Variants in CATSPERT observed in about 807,000 individuals in gnomAD.
The protein encoded by CATSPERT is cation channel sperm-associated targeting subunit tau.
chr2:201,585,066 T>C, the CATSPERT span, among the ~76,000 whole-genome samples: 1 of 151,982 alleles, frequency 6.6e-6, no homozygotes, highest in Non-Finnish European at 1.5e-5. Flanking sequence ...AAATTTACAA[T>C]TCTATACTCA....
the CATSPERT span, among the ~76,000 whole-genome samples, chr2:201,524,478 A>ACAAGAAGGCAGCAAGG: frequency 1.3e-5 from 2 of 152,326 alleles, no homozygotes; most frequent in South Asian, 4.1e-4. Context: ...AGGAAGTGCT[A>ACAAGAAGGCAGCAAGG]AATATGGGGG....
the CATSPERT span, among the ~76,000 whole-genome samples, chr2:201,618,435 T>C: frequency 2.6e-5 from 4 of 151,616 alleles, no homozygotes; most frequent in African/African-American, 4.9e-5. Flanking sequence ...CTGGAAACCA[T>C]CATTCTCAGC....
chr2:201,528,798 T>C, the CATSPERT span, among the ~76,000 whole-genome samples: 2 of 152,110 alleles, frequency 1.3e-5, no homozygotes, highest in African/African-American at 2.4e-5. Context: ...AAAAACTACC[T>C]ATTGGATACA....
At chr2:201,534,040 T>TTATCTATCTATC in the CATSPERT span, among the ~76,000 whole-genome samples, 73 of 148,666 alleles carry the variant, frequency 4.9e-4, no homozygotes, top group East Asian at 1.6e-3. Context: ...GATCTGTATA[T>TTATCTATCTATC]TATCTATCTA....
At chr2:201,608,145 T>C in the CATSPERT span, among the ~76,000 whole-genome samples, 1 of 152,174 alleles carries the variant, frequency 6.6e-6, no homozygotes, top group African/African-American at 2.4e-5. Context: ...GCCTCCAGCA[T>C]AATTTTTTTG....
At chr2:201,577,261 A>T in the CATSPERT span, among the ~76,000 whole-genome samples, 1 of 150,184 alleles carries the variant, frequency 6.7e-6, no homozygotes, top group Non-Finnish European at 1.5e-5. Flanking sequence ...AAAAAAAATT[A>T]GAAGTCCAAA....
the CATSPERT span, among the ~76,000 whole-genome samples, chr2:201,551,953 C>T: frequency 6.8e-6 from 1 of 147,344 alleles, no homozygotes; most frequent in East Asian, 2.0e-4. Flanking sequence ...GTGTATTTTT[C>T]TTTCTTGTTT....
chr2:201,607,765 A>G, the CATSPERT span, among the ~76,000 whole-genome samples: 1 of 152,226 alleles, frequency 6.6e-6, no homozygotes, highest in Admixed American at 6.5e-5. Flanking sequence ...AAAAATGCAT[A>G]CGTTGCAATC....
chr2:201,575,381 T>C, the CATSPERT span: 5 of 1,443,142 alleles, frequency 3.5e-6, no homozygotes, highest in South Asian at 2.9e-5. Context: ...TTTCCCTGTA[T>C]ATTATCGAAA....
the CATSPERT span, among the ~76,000 whole-genome samples, chr2:201,541,531 T>TATA: frequency 1.1e-5 from 1 of 92,768 alleles, no homozygotes; most frequent in African/African-American, 4.5e-5. Context: ...TCAGATGATT[T>TATA]TATATATATA....
the CATSPERT span, among the ~76,000 whole-genome samples, chr2:201,567,642 A>ATT: frequency 1.6e-4 from 25 of 152,330 alleles, no homozygotes; most frequent in East Asian, 4.4e-3. Flanking sequence ...GTCCCAGTTC[A>ATT]AAGATAGGCG....
At chr2:201,504,126 T>C in the CATSPERT span, among the ~76,000 whole-genome samples, 1 of 152,228 alleles carries the variant, frequency 6.6e-6, no homozygotes, top group Non-Finnish European at 1.5e-5. Context: ...TTTACAGTTA[T>C]CTGGAGCTTT....
At chr2:201,606,547 C>G in the CATSPERT span, among the ~76,000 whole-genome samples, 1 of 152,072 alleles carries the variant, frequency 6.6e-6, no homozygotes, top group Non-Finnish European at 1.5e-5. Flanking sequence ...TCCCAAGAAA[C>G]CTACTAAAAG....
chr2:201,536,341 A>G, the CATSPERT span: 1 of 1,563,664 alleles, frequency 6.4e-7, no homozygotes. Context: ...CAGCAATAAA[A>G]CAAACTACCA....
At chr2:201,545,527 C>A in the CATSPERT span, 6 of 1,339,884 alleles carry the variant, frequency 4.5e-6, no homozygotes, top group East Asian at 9.3e-5. Context: ...ATAAAAAAAT[C>A]AAAGTAGTTT....
At chr2:201,537,901 T>A in the CATSPERT span, among the ~76,000 whole-genome samples, 1 of 151,998 alleles carries the variant, frequency 6.6e-6, no homozygotes, top group Non-Finnish European at 1.5e-5. Context: ...ATATTTAGCA[T>A]GTAAAAAGGG....
chr2:201,554,220 C>G, the CATSPERT span: 1 of 152,260 alleles, frequency 6.6e-6, no homozygotes, highest in South Asian at 2.1e-4. Flanking sequence ...TATCACTATT[C>G]TAGGAAGCCC....
chr2:201,585,464 T>G, the CATSPERT span, among the ~76,000 whole-genome samples: 6 of 147,544 alleles, frequency 4.1e-5, no homozygotes, highest in Non-Finnish European at 8.9e-5. Flanking sequence ...CTAACTCTCA[T>G]AGGAAAAATA....
the CATSPERT span, chr2:201,534,648 A>C: frequency 2.0e-6 from 2 of 985,014 alleles, no homozygotes; most frequent in Non-Finnish European, 2.4e-6. Context: ...TTAAAAGACC[A>C]TTAATACTCA....
Sources: gnomAD v4.1 joint callset for allele counts (sites outside exome capture counted in the v4.1 genomes callset) on GRCh38, gnomAD v4.1.1 for gene constraint, MANE v1.5 for transcripts, NCBI Gene and HGNC (gene_info 2026-07-23, HGNC 2026-07-21) for gene names.